Variants in TMEM178B observed in about 807,000 individuals in gnomAD.
The protein encoded by TMEM178B is transmembrane protein 178B.
Under a neutral mutation model 31.0 loss-of-function variants are expected in TMEM178B, and 5 were observed. The observed-to-expected ratio is 0.16, with a 90% CI of 0.08 to 0.34. TMEM178B has a LOEUF of 0.34. TMEM178B is among the 10% of genes least tolerant of loss of function. The pLI, the probability that TMEM178B is intolerant of heterozygous loss-of-function variation, is 1.00. For synonymous variants in TMEM178B, 164 were observed against 164.0 expected (o/e 1.00, Z 0.00); for missense variants, 275 against 400.3 (o/e 0.69, Z 2.67).
intron 2 of TMEM178B, among the ~76,000 whole-genome samples, chr7:141,314,945 C>T (rs1261666615): frequency 6.6e-6 from 1 of 152,216 alleles, no homozygotes; most frequent in African/African-American, 2.4e-5. Context: ...AATCATATCA[C>T]AGGTATTATT....
intron 2 of TMEM178B, among the ~76,000 whole-genome samples, chr7:141,358,178 C>T (rs935362946): frequency 1.3e-5 from 2 of 152,168 alleles, no homozygotes; most frequent in East Asian, 3.8e-4. Flanking sequence ...CCTAGCAGCA[C>T]ACTGGCCTGG....
chr7:141,201,249 C>A (rs142526857), intron 1 of TMEM178B, among the ~76,000 whole-genome samples: 4 of 152,308 alleles, frequency 2.6e-5, no homozygotes, highest in Non-Finnish European at 4.4e-5. Context: ...GACACCAGAC[C>A]TGGGAGCCGG....
intron 2 of TMEM178B, among the ~76,000 whole-genome samples, chr7:141,345,849 A>T (rs1799609536): frequency 6.6e-6 from 1 of 152,206 alleles, no homozygotes; most frequent in Admixed American, 6.5e-5. Flanking sequence ...ACTAAATGAG[A>T]CCTGCAATTT....
intron 2 of TMEM178B, among the ~76,000 whole-genome samples, chr7:141,338,571 C>T (rs1799464799): frequency 6.6e-6 from 1 of 152,070 alleles, no homozygotes; most frequent in Admixed American, 6.6e-5. Flanking sequence ...TTATTTAGAA[C>T]AAAAGAAAAA....
chr7:141,188,837 G>A (rs967601533), intron 1 of TMEM178B, among the ~76,000 whole-genome samples: 1 of 152,234 alleles, frequency 6.6e-6, no homozygotes, highest in African/African-American at 2.4e-5. Flanking sequence ...AGCCTGGAGA[G>A]AATCAAGGTC....
the TMEM178B span, among the ~76,000 whole-genome samples, chr7:141,491,322 T>G: frequency 6.6e-6 from 1 of 152,208 alleles, no homozygotes; most frequent in East Asian, 1.9e-4. Flanking sequence ...TGTGAGTCAC[T>G]GAGCCCAGCC....
At chr7:141,106,648 A>G (rs955743580) in intron 1 of TMEM178B, among the ~76,000 whole-genome samples, 3 of 152,202 alleles carry the variant, frequency 2.0e-5, no homozygotes, top group Non-Finnish European at 4.4e-5. Flanking sequence ...TGATAAACAC[A>G]TTTGTGTAAA....
chr7:141,148,107 G>A (rs146547174), intron 1 of TMEM178B, among the ~76,000 whole-genome samples: 1 of 152,256 alleles, frequency 6.6e-6, no homozygotes, highest in Non-Finnish European at 1.5e-5. Flanking sequence ...CTAGGGGAGA[G>A]CCCATTCCCT....
At chr7:141,303,165 T>A (rs757690505) in intron 2 of TMEM178B, among the ~76,000 whole-genome samples, 2 of 152,130 alleles carry the variant, frequency 1.3e-5, no homozygotes, top group Non-Finnish European at 2.9e-5. Context: ...TGTGCATCGT[T>A]GTGGGGATGT....
At chr7:141,380,931 C>G (rs1235780286) in intron 2 of TMEM178B, among the ~76,000 whole-genome samples, 1 of 152,162 alleles carries the variant, frequency 6.6e-6, no homozygotes, top group Non-Finnish European at 1.5e-5. Flanking sequence ...GCAGACCTAA[C>G]TGGGGATTAC....
chr7:141,350,891 A>G (rs17162155), intron 2 of TMEM178B, among the ~76,000 whole-genome samples: 3,740 of 152,294 alleles, frequency 0.025, 135 homozygotes, highest in African/African-American at 0.08. Flanking sequence ...CTTAAAAACT[A>G]TAGAAGTCGT....
intron 1 of TMEM178B, among the ~76,000 whole-genome samples, chr7:141,100,066 G>T (rs575784194): frequency 3.3e-5 from 5 of 152,078 alleles, no homozygotes; most frequent in African/African-American, 9.7e-5. Context: ...TGATCCGCCC[G>T]CCTTGGCCTC....
Position 141,211,805 on chromosome 7 carries a change from G to A in TMEM178B, c.383-786G>A, listed in dbSNP as rs1474994673. 2.6e-5 allele frequency among the ~76,000 whole-genome samples: 4 copies of A among 152,270 alleles called. No individual in the cohort carries two copies. In the East Asian group the frequency reaches 7.7e-4, roughly 29 times the overall value. On this transcript the variant is annotated intron_variant, in intron 1 of 3. Coordinates refer to ENST00000565468, the MANE Select transcript of TMEM178B (RefSeq NM_001195278.2). ...AAGTGTGTAATAAAATCCCTGGAGG[G>A]CTGATTTAAATTCAGATTGCCAGGC...
chr7:141,179,571 A>C (rs1796486588), intron 1 of TMEM178B, among the ~76,000 whole-genome samples: 1 of 152,116 alleles, frequency 6.6e-6, no homozygotes, highest in South Asian at 2.1e-4. Flanking sequence ...TTAGGTCTAG[A>C]GAAATAGTTG....
intron 2 of TMEM178B, among the ~76,000 whole-genome samples, chr7:141,405,296 T>C (rs979943272): frequency 1.3e-5 from 2 of 152,240 alleles, no homozygotes; most frequent in Non-Finnish European, 2.9e-5. Flanking sequence ...CTGGCATCTA[T>C]GCCAAGGGCT....
chr7:141,433,163 C>G (rs112013341), intron 2 of TMEM178B, among the ~76,000 whole-genome samples: 1 of 152,226 alleles, frequency 6.6e-6, no homozygotes, highest in Non-Finnish European at 1.5e-5. Flanking sequence ...CTGTGTTTTA[C>G]GACCCCCTCG....
rs184279094 is a variant in TMEM178B, at chr7:141,262,505, C to T, written c.496+49801C>T. Among the ~76,000 whole-genome samples, 89 of 120,480 alleles carry T rather than the reference C, an allele frequency of 7.4e-4. 1 individual carries two copies. The highest frequency in any genetic ancestry group is 1.0e-3 in the Non-Finnish European group (57 of 56,966). The allele number at this position is 120,480 out of a possible 152,430, so 79.0% of individuals were successfully genotyped here. A position where few individuals can be genotyped will look rare whatever the true frequency, so the allele number is the denominator to read the frequency against. On this transcript the variant is annotated intron_variant, in intron 2 of 3. Transcript: ENST00000565468. ...TATATATATATATATATATATATATCCCTCCCTGCCTTTCCTGGTTTCTCT... is the reference window on the plus strand; with the variant it reads ...TATATATATATATATATATATATATTCCTCCCTGCCTTTCCTGGTTTCTCT...
chr7:141,127,512 G>T (rs1054403905), intron 1 of TMEM178B, among the ~76,000 whole-genome samples: 4 of 152,158 alleles, frequency 2.6e-5, no homozygotes, highest in African/African-American at 9.7e-5. Flanking sequence ...GGAGGGCCAC[G>T]TGAATATGTA....
intron 1 of TMEM178B, among the ~76,000 whole-genome samples, chr7:141,209,240 T>A (rs1373599553): frequency 1.3e-5 from 2 of 152,190 alleles, no homozygotes; most frequent in Non-Finnish European, 1.5e-5. Flanking sequence ...ACCATTGACC[T>A]AGTTGCCCCG....
Sources: allele counts gnomAD v4.1 joint callset (sites outside exome capture counted in the v4.1 genomes callset), GRCh38; gene constraint gnomAD v4.1.1; transcripts MANE v1.5; gene names NCBI Gene and HGNC (gene_info 2026-07-23, HGNC 2026-07-21).